The following NALF1 variants were observed in gnomAD, a reference collection of about 807,000 sequenced individuals.
The protein encoded by NALF1 is family with sequence similarity 155 member A.
Under a neutral mutation model 48.4 loss-of-function variants are expected in NALF1, and 3 were observed. That is an observed-to-expected ratio of 0.06 (90% CI 0.03 to 0.16). The LOEUF (loss-of-function observed/expected upper bound fraction) is 0.16, where lower values mean the gene tolerates loss of function less well. Ranked by LOEUF, NALF1 falls within the 10% of genes least tolerant of loss-of-function variation. The pLI, the probability that NALF1 is intolerant of heterozygous loss-of-function variation, is 1.00. For missense variants in NALF1, 526 were observed against 571.5 expected (o/e 0.92, Z 0.81); for synonymous variants, 262 against 245.7 (o/e 1.07, Z -0.62).
At chr13:107,738,722 A>C (rs897107442) in intron 1 of NALF1, among the ~76,000 whole-genome samples, 4 of 152,166 alleles carry the variant, frequency 2.6e-5, no homozygotes, top group African/African-American at 9.7e-5. Flanking sequence ...GCTGGAATGC[A>C]GTGGTGTGAT....
chr13:107,442,569 A>C (rs1383765379), intron 1 of NALF1, among the ~76,000 whole-genome samples: 1 of 152,190 alleles, frequency 6.6e-6, no homozygotes, highest in African/African-American at 2.4e-5. Context: ...TTTAAAGACA[A>C]AGATACCTGT....
intron 2 of NALF1, among the ~76,000 whole-genome samples, chr13:107,196,415 A>G (rs1037312962): frequency 2.0e-5 from 3 of 152,242 alleles, no homozygotes; most frequent in African/African-American, 7.2e-5. Context: ...AGCATTCTCA[A>G]CAGCCAAGAT....
chr13:107,721,846 T>C (rs764997321), intron 1 of NALF1, among the ~76,000 whole-genome samples: 5 of 152,222 alleles, frequency 3.3e-5, no homozygotes, highest in African/African-American at 7.2e-5. Flanking sequence ...ATCTGATTTC[T>C]GATGTCTGAT....
chr13:107,833,241 A>G lies in NALF1; in HGVS notation c.915+32441T>C, dbSNP rs143792486. On this transcript the variant is annotated intron_variant, in intron 1 of 2. Coordinates refer to ENST00000375915, the MANE Select transcript of NALF1 (RefSeq NM_001080396.3). ...AAGAACAAGGTCTACATTGCTCACC[A>G]GGGTAGACTTGGTGACTTGCACAGT... Among the ~76,000 whole-genome samples, 6 of 152,332 alleles carry G rather than the reference A, an allele frequency of 3.9e-5. No homozygotes were observed. In the East Asian group the frequency reaches 1.2e-3, roughly 29 times the overall value.
chr13:107,378,162 G>A (rs1471601635), intron 1 of NALF1, among the ~76,000 whole-genome samples: 1 of 152,088 alleles, frequency 6.6e-6, no homozygotes, highest in Non-Finnish European at 1.5e-5. Context: ...AGTTACAATA[G>A]TCTTTATTTT....
At chr13:107,417,569 C>T (rs1046633560) in intron 1 of NALF1, among the ~76,000 whole-genome samples, 2 of 152,138 alleles carry the variant, frequency 1.3e-5, no homozygotes, top group African/African-American at 4.8e-5. Context: ...TAGATGTAGA[C>T]TGTAACATCT....
At chr13:107,412,973 T>C (rs1033553586) in intron 1 of NALF1, among the ~76,000 whole-genome samples, 3 of 152,198 alleles carry the variant, frequency 2.0e-5, no homozygotes, top group Admixed American at 2.0e-4. Context: ...CAGGAAAATA[T>C]GATATGAAGA....
intron 1 of NALF1, among the ~76,000 whole-genome samples, chr13:107,566,172 C>T (rs1054317507): frequency 1.3e-5 from 2 of 152,126 alleles, no homozygotes; most frequent in Admixed American, 6.5e-5. Flanking sequence ...GATAGGGAGG[C>T]TTTTATAAGA....
intron 1 of NALF1, among the ~76,000 whole-genome samples, chr13:107,642,133 C>T (rs1880175592): frequency 6.6e-6 from 1 of 152,110 alleles, no homozygotes; most frequent in Admixed American, 6.6e-5. Flanking sequence ...TTAATACAAT[C>T]CCCAGGCAAT....
At chr13:107,225,038 C>T (rs1353350664) in intron 1 of NALF1, among the ~76,000 whole-genome samples, 5 of 152,048 alleles carry the variant, frequency 3.3e-5, no homozygotes, top group African/African-American at 1.2e-4. Flanking sequence ...GATGGAGTCT[C>T]ACTCTTGTCA....
chr13:107,446,525 C>T (rs1268682451), intron 1 of NALF1, among the ~76,000 whole-genome samples: 1 of 151,938 alleles, frequency 6.6e-6, no homozygotes, highest in Admixed American at 6.6e-5. Flanking sequence ...TTTTTATCCA[C>T]CATTATTATT....
At chr13:107,522,925 A>T (rs1305811315) in intron 1 of NALF1, among the ~76,000 whole-genome samples, 1 of 151,866 alleles carries the variant, frequency 6.6e-6, no homozygotes, top group Non-Finnish European at 1.5e-5. Context: ...GCCCCTCCAG[A>T]TTCTTTGAAA....
At chr13:107,559,709 A>C (rs547945636) in intron 1 of NALF1, among the ~76,000 whole-genome samples, 1 of 152,186 alleles carries the variant, frequency 6.6e-6, no homozygotes, top group Non-Finnish European at 1.5e-5. Flanking sequence ...AACCTTTGCA[A>C]CAACAGCAAA....
intron 1 of NALF1, among the ~76,000 whole-genome samples, chr13:107,233,331 T>G (rs1241966599): frequency 2.6e-5 from 4 of 152,150 alleles, no homozygotes; most frequent in Non-Finnish European, 4.4e-5. Flanking sequence ...GCAAGGCAGT[T>G]TTCTCAGTCA....
Position 107,246,302 on chromosome 13 carries a change from T to C in NALF1, c.916-35547A>G, listed in dbSNP as rs377554044. On this transcript the variant is annotated intron_variant, in intron 1 of 2. Transcript: ENST00000375915. ...AGTTCACATCATACAGCCATTTCTTTACATTTTATCTCAATAGTTATTAAG... is the reference window on the plus strand; with the variant it reads ...AGTTCACATCATACAGCCATTTCTTCACATTTTATCTCAATAGTTATTAAG... Among the ~76,000 whole-genome samples the C allele has an allele frequency of 4.6e-5, 7 of 152,320 alleles. 1 individual carries two copies. Among genetic ancestry groups the C allele is most frequent in the African/African-American group, 1.7e-4 (7 of 41,574 alleles).
chr13:107,398,378 C>T (rs1044386238), intron 1 of NALF1, among the ~76,000 whole-genome samples: 1 of 106,594 alleles, frequency 9.4e-6, no homozygotes, highest in African/African-American at 3.9e-5. Context: ...CACCTGTAAA[C>T]AAACATCCAA....
chr13:107,575,947 GTGTA>G (rs148296519), intron 1 of NALF1, among the ~76,000 whole-genome samples: 27,951 of 151,350 alleles, frequency 0.18, 2,772 homozygotes, highest in South Asian at 0.29. Flanking sequence ...GTGTGTGTAT[GTGTA>G]TGTGTGTGTT....
At chr13:107,522,980 A>T (rs988535396) in intron 1 of NALF1, among the ~76,000 whole-genome samples, 2 of 152,070 alleles carry the variant, frequency 1.3e-5, no homozygotes, top group Non-Finnish European at 2.9e-5. Context: ...TAGGAGTGTG[A>T]ACTCCTAAGC....
At chr13:107,777,516 G>A (rs779838602) in intron 1 of NALF1, among the ~76,000 whole-genome samples, 5 of 152,112 alleles carry the variant, frequency 3.3e-5, no homozygotes, top group East Asian at 3.9e-4. Context: ...GTGAGTTCTC[G>A]CAAGATCTGC....
Sources: gnomAD v4.1 joint callset for allele counts (sites outside exome capture counted in the v4.1 genomes callset) on GRCh38, gnomAD v4.1.1 for gene constraint, MANE v1.5 for transcripts, NCBI Gene and HGNC (gene_info 2026-07-23, HGNC 2026-07-21) for gene names.